IMPG1: variants seen among roughly 807,000 people sequenced by gnomAD.
IMPG1 encodes interphotoreceptor matrix proteoglycan 1.
Under a neutral mutation model 92.0 loss-of-function variants are expected in IMPG1, and 85 were observed. The ratio of observed to expected loss-of-function variants is 0.92; its 90% CI spans 0.78 to 1.11. IMPG1 has a LOEUF of 1.11. Among genes scored for constraint, IMPG1 ranks in the 50% least tolerant of loss-of-function variants. The probability of loss-of-function intolerance (pLI) is 0.00; values close to 1 mark genes in which losing one functional copy is unlikely to be tolerated. For synonymous variants in IMPG1, 367 were observed against 334.1 expected (o/e 1.10, Z -1.08); for missense variants, 1,022 against 956.0 (o/e 1.07, Z -0.91).
chr6:75,960,776 G>A (rs939576965), intron 12 of IMPG1, among the ~76,000 whole-genome samples: 1 of 152,214 alleles, frequency 6.6e-6, no homozygotes, highest in Non-Finnish European at 1.5e-5. Context: ...CAATAGGAAA[G>A]TCAAACACTA....
intron 4 of IMPG1, among the ~76,000 whole-genome samples, chr6:76,026,045 G>T (rs1783524661): frequency 6.6e-6 from 1 of 152,168 alleles, no homozygotes; most frequent in Non-Finnish European, 1.5e-5. Flanking sequence ...GAGGAGCCTG[G>T]CCCCTCCTCT....
chr6:76,040,593 C>T (rs1044634998), intron 2 of IMPG1, among the ~76,000 whole-genome samples: 11 of 152,172 alleles, frequency 7.2e-5, no homozygotes, highest in Admixed American at 2.6e-4. Context: ...CCTTCTAGGA[C>T]CTTAGAATAG....
At chr6:76,024,995 G>A in intron 5 of IMPG1, 199 bp downstream of exon 5, 1 of 618,696 alleles carries the variant, frequency 1.6e-6, no homozygotes. Context: ...GAATGGTTTG[G>A]TTTTACCTTT....
chr6:76,038,768 A>G (rs1582122900), intron 2 of IMPG1, among the ~76,000 whole-genome samples: 1 of 152,296 alleles, frequency 6.6e-6, no homozygotes, highest in African/African-American at 2.4e-5. Flanking sequence ...AATGCCTGAA[A>G]TCTGATCACA....
At chr6:76,026,036 A>G (rs2149485077) in intron 4 of IMPG1, among the ~76,000 whole-genome samples, 1 of 152,258 alleles carries the variant, frequency 6.6e-6, no homozygotes, top group Admixed American at 6.5e-5. Flanking sequence ...TGCAGTGGGG[A>G]GGAGCCTGGC....
chr6:76,045,604 T>C (rs1341569), intron 1 of IMPG1, among the ~76,000 whole-genome samples: 150,964 of 152,116 alleles, frequency 0.99, 74,914 homozygotes, highest in East Asian at 1. Flanking sequence ...TCACTAGAGA[T>C]GAGGTGAGAG....
At chr6:75,992,224 C>A (rs1408343661) in intron 12 of IMPG1, among the ~76,000 whole-genome samples, 1 of 152,224 alleles carries the variant, frequency 6.6e-6, no homozygotes. Flanking sequence ...CTGCCACCTG[C>A]AGGCTTTGAA....
rs200128845 is a variant in IMPG1 at position 75,947,376 on chromosome 6, C to G, written c.1982G>C (p.Arg661Pro). 6.2e-7 allele frequency: 1 copy of G among 1,613,956 alleles called. No homozygotes were observed. The highest frequency in any genetic ancestry group is 8.5e-7 in the Non-Finnish European group (1 of 1,179,904). ...ATGGAGTTGTTGGGCTGCAGCAGAA[C>G]GAAAATCCTCCAAGACCCCGTGCAC... is the stretch of plus-strand genomic sequence containing the variant. The part of the protein sequence containing the change: ...KAVHGVLEDF[R>P]SAAAQQLHLE... Residue 661 changes from arginine to proline, a missense_variant, in exon 14 of 17, where the codon CGT (arginine) becomes CCT (proline). This residue lies in a region of IMPG1 where 332 missense variants were observed against 346.2 expected (regional missense o/e 0.96). Transcript: ENST00000369950.
chr6:76,071,195 T>C (rs570694168), intron 1 of IMPG1, among the ~76,000 whole-genome samples: 1 of 148,378 alleles, frequency 6.7e-6, no homozygotes, highest in Non-Finnish European at 1.5e-5. Flanking sequence ...TATAATTATA[T>C]ATTTGGAATT....
intron 4 of IMPG1, among the ~76,000 whole-genome samples, chr6:76,030,418 G>C (rs900347977): frequency 6.6e-6 from 1 of 152,134 alleles, no homozygotes; most frequent in Non-Finnish European, 1.5e-5. Flanking sequence ...TTCATCTTCA[G>C]TCTGTACCCC....
At position 75,929,754 on chromosome 6, in the gene IMPG1, T is replaced by C. The variant is rs1448763070; in HGVS notation, c.2243+1199A>G. On this transcript the variant is annotated intron_variant, in intron 15 of 16. Transcript: ENST00000369950. ...GAAATAAAATAAAATTAAAGTAAAT[T>C]AAAAAAAAAAGGGTTTCATAATCCT... Among the ~76,000 whole-genome samples, 10 of 147,736 alleles carry C rather than the reference T, an allele frequency of 6.8e-5. No individual in the cohort carries two copies. In the East Asian group the frequency reaches 1.8e-3, roughly 26 times the overall value.
At chr6:76,007,217 A>G (rs1414774899) in intron 9 of IMPG1, among the ~76,000 whole-genome samples, 2 of 152,214 alleles carry the variant, frequency 1.3e-5, no homozygotes, top group Non-Finnish European at 2.9e-5. Flanking sequence ...ATGTTTTTCT[A>G]ACTATACCTT....
rs762673182 is a variant in IMPG1, at chr6:76,020,634, CCTT to C, written c.666+1479_666+1481del. 8.9e-4 allele frequency among the ~76,000 whole-genome samples: 136 copies of C among 152,214 alleles called. 1 individual carries two copies. The highest frequency in any genetic ancestry group is 1.1e-3 in the Non-Finnish European group (74 of 68,018). ...AGATGCCAGGTTCTAGTCTGCCACT[CCTT>C]ATACTACTGCCTCCTTTGGGGCCTA... On this transcript the variant is annotated intron_variant, in intron 6 of 16. Transcript: ENST00000369950.
At chr6:76,060,207 A>G (rs1784181759) in intron 1 of IMPG1, among the ~76,000 whole-genome samples, 1 of 152,212 alleles carries the variant, frequency 6.6e-6, no homozygotes, top group Non-Finnish European at 1.5e-5. Flanking sequence ...AGGCACACAG[A>G]AAGACATTGT....
chr6:75,993,184 T>C (rs1782842212), intron 12 of IMPG1, among the ~76,000 whole-genome samples: 1 of 152,132 alleles, frequency 6.6e-6, no homozygotes, highest in Non-Finnish European at 1.5e-5. Flanking sequence ...TTGTTAATAG[T>C]TCTTAATATG....
chr6:76,021,183 C>G (rs905873986), intron 6 of IMPG1, among the ~76,000 whole-genome samples: 1 of 152,168 alleles, frequency 6.6e-6, no homozygotes, highest in African/African-American at 2.4e-5. Flanking sequence ...TCTATTGATC[C>G]CAGGTCTTTA....
intron 8 of IMPG1, 82 bp downstream of exon 8, chr6:76,011,084 A>G: frequency 1.3e-6 from 1 of 774,422 alleles, no homozygotes. Flanking sequence ...AAAGGACCTT[A>G]TAATCCTTAT....
chr6:75,985,124 T>C (rs1214213656), intron 12 of IMPG1, among the ~76,000 whole-genome samples: 2 of 152,224 alleles, frequency 1.3e-5, no homozygotes, highest in Admixed American at 6.5e-5. Context: ...TAAAGATAAA[T>C]TTCTTTTTTT....
At chr6:76,025,856 G>A (rs749152027) in intron 4 of IMPG1, among the ~76,000 whole-genome samples, 1 of 152,156 alleles carries the variant, frequency 6.6e-6, no homozygotes, top group African/African-American at 2.4e-5. Flanking sequence ...GAGATTCTAG[G>A]AGCAGATCCA....
Sources: gnomAD v4.1 joint callset for allele counts (sites outside exome capture counted in the v4.1 genomes callset) on GRCh38, gnomAD v4.1.1 for gene constraint, gnomAD v4.1.1 regional missense constraint, MANE v1.5 for transcripts, NCBI Gene and HGNC (gene_info 2026-07-23, HGNC 2026-07-21) for gene names.